The following WARS2 variants were observed in gnomAD, a reference collection of about 807,000 sequenced individuals.
WARS2 encodes tryptophanyl tRNA synthetase 2, mitochondrial.
In WARS2, 28 loss-of-function variants were observed where a neutral mutation model predicts 36.5. That is an observed-to-expected ratio of 0.77 (90% CI 0.57 to 1.05). The LOEUF is 1.05. WARS2 is among the 50% of genes least tolerant of loss of function. The pLI, the probability that WARS2 is intolerant of heterozygous loss-of-function variation, is 0.00. For synonymous variants in WARS2, 174 were observed against 178.4 expected (o/e 0.98, Z 0.20); for missense variants, 435 against 456.8 (o/e 0.95, Z 0.44).
intron 4 of WARS2, among the ~76,000 whole-genome samples, 155 bp from the exon 5 acceptor site, chr1:119,034,368 T>C (rs1338135081): frequency 6.6e-6 from 1 of 152,250 alleles, no homozygotes. Flanking sequence ...TAAGTCTTTA[T>C]CTATGGATCA....
chr1:119,055,394 T>A (rs1486007270), intron 2 of WARS2, among the ~76,000 whole-genome samples: 1 of 152,004 alleles, frequency 6.6e-6, no homozygotes, highest in African/African-American at 2.4e-5. Flanking sequence ...AGGTGGATTA[T>A]CTGAGGTCAG....
At chr1:119,118,761 A>C (rs1399377019) in intron 1 of WARS2, among the ~76,000 whole-genome samples, 3 of 150,596 alleles carry the variant, frequency 2.0e-5, no homozygotes, top group African/African-American at 7.3e-5. Context: ...GCCAGAAGGG[A>C]TTGGGGTCCT....
At chr1:119,097,029 T>C (rs1465041222) in intron 1 of WARS2, among the ~76,000 whole-genome samples, 1 of 152,132 alleles carries the variant, frequency 6.6e-6, no homozygotes, top group East Asian at 1.9e-4. Flanking sequence ...CAAATAATTA[T>C]AAGGTAACTG....
chr1:119,112,504 T>C (rs60424309), intron 1 of WARS2, among the ~76,000 whole-genome samples: 1,962 of 152,232 alleles, frequency 0.013, 49 homozygotes, highest in African/African-American at 0.045. Context: ...AGAGAGTAAA[T>C]GCAGAACACA....
At chr1:119,038,113 T>G (rs987541473) in intron 4 of WARS2, among the ~76,000 whole-genome samples, 3 of 152,240 alleles carry the variant, frequency 2.0e-5, no homozygotes, top group African/African-American at 7.2e-5. Context: ...ATGCTACCTC[T>G]TGATTTTCAG....
intron 2 of WARS2, among the ~76,000 whole-genome samples, chr1:119,075,151 A>C (rs1571321031): frequency 7.1e-6 from 1 of 141,744 alleles, no homozygotes; most frequent in African/African-American, 2.8e-5. Context: ...TTAAAAAATT[A>C]GTGTATATAT....
At chr1:119,081,914 A>G (rs1044850381) in intron 1 of WARS2, among the ~76,000 whole-genome samples, 1 of 152,192 alleles carries the variant, frequency 6.6e-6, no homozygotes, top group South Asian at 2.1e-4. Context: ...TCCGGAAAGC[A>G]CTGGAGAGTC....
chr1:119,088,644 T>C (rs1571341904), intron 1 of WARS2, among the ~76,000 whole-genome samples: 1 of 152,194 alleles, frequency 6.6e-6, no homozygotes, highest in African/African-American at 2.4e-5. Context: ...GACGCTGTGG[T>C]CGTAGCCTCT....
chr1:119,127,123 T>C (rs1414762959), intron 1 of WARS2: 1 of 731,694 alleles, frequency 1.4e-6, no homozygotes, highest in African/African-American at 1.7e-5. Flanking sequence ...TCAGATGCAA[T>C]TTTGATTCCT....
At chr1:119,052,452 T>G (rs1220434517) in intron 2 of WARS2, among the ~76,000 whole-genome samples, 1 of 152,228 alleles carries the variant, frequency 6.6e-6, no homozygotes, top group East Asian at 1.9e-4. Flanking sequence ...TCTGGGGTTC[T>G]GATTTTAATT....
At chr1:119,052,108 T>A (rs1649415935) in intron 2 of WARS2, among the ~76,000 whole-genome samples, 1 of 152,138 alleles carries the variant, frequency 6.6e-6, no homozygotes, top group Admixed American at 6.6e-5. Context: ...TAATATTTTT[T>A]TAATTTCAAA....
At chr1:119,100,245 C>T (rs920571606) in intron 1 of WARS2, among the ~76,000 whole-genome samples, 17 of 151,936 alleles carry the variant, frequency 1.1e-4, no homozygotes, top group Non-Finnish European at 2.1e-4. Context: ...AAATCAAAAC[C>T]GCAATGAGAT....
intron 1 of WARS2, among the ~76,000 whole-genome samples, chr1:119,101,344 AAG>A (rs775912725): frequency 4.6e-5 from 7 of 152,126 alleles, no homozygotes; most frequent in Non-Finnish European, 1.0e-4. Context: ...AAAACAATAT[AAG>A]AGTCATGTTA....
chr1:119,032,924 A>T lies in WARS2; in HGVS notation c.1070T>A (p.Val357Glu). ...YTVCQEVKKL[V>E]GFL ...CGTTGAAACTTCCTATAGAAAACCC[A>T]CCAATTTCTTCACCTCCTGGCACAC... The change falls in exon 6 of 6, where the codon GTG (valine) becomes GAG (glutamate). Residue 357 changes from valine to glutamate, a missense_variant. By Grantham distance (121) the Val-to-Glu change is moderately radical. Transcript: ENST00000235521. The T allele has an allele frequency of 6.2e-7, 1 of 1,611,252 alleles. No homozygotes were observed. Among genetic ancestry groups the T allele is most frequent in the Non-Finnish European group, 8.5e-7 (1 of 1,177,800 alleles).
At chr1:119,046,152 G>A (rs114977207) in intron 2 of WARS2, among the ~76,000 whole-genome samples, 2,016 of 152,108 alleles carry the variant, frequency 0.013, 29 homozygotes, top group African/African-American at 0.043. Flanking sequence ...TAACATTAAA[G>A]ATTGAATTCT....
chr1:119,045,644 A>G lies in WARS2; in HGVS notation c.367T>C (p.Leu123=), dbSNP rs1041767036. The change falls in exon 3 of 6, where the codon TTA becomes CTA. Residue 123 remains leucine, a synonymous_variant. Coordinates refer to ENST00000235521, the MANE Select transcript of WARS2 (RefSeq NM_015836.4). The stretch of plus-strand genomic sequence containing the variant: ...ACCATGCAGGAAAGGATCCAACTTA[A>G]TTGTGTGTGTTCAGACACCTAAAGA... The part of the protein sequence containing the change: ...QQSQVSEHTQ[L]SWILSCMVRL... 1.3e-6 allele frequency: 2 copies of G among 1,591,286 alleles called. No homozygotes were observed. Among genetic ancestry groups the G allele is most frequent in the African/African-American group, 2.7e-5 (2 of 74,776 alleles).
intron 2 of WARS2, chr1:119,064,000 AC>A (rs1367904652): frequency 6.6e-6 from 1 of 152,238 alleles, no homozygotes; most frequent in African/African-American, 2.4e-5. Flanking sequence ...GACAGCTTGC[AC>A]CGTGAGCCTG....
At chr1:119,035,043 G>T (rs2794315) in intron 4 of WARS2, among the ~76,000 whole-genome samples, 70,706 of 152,000 alleles carry the variant, frequency 0.47, 16,725 homozygotes, top group East Asian at 0.58. Flanking sequence ...TTCATATTAT[G>T]AAGAAATGAA....
At chr1:119,083,592 C>G (rs1652377434) in intron 1 of WARS2, among the ~76,000 whole-genome samples, 1 of 152,030 alleles carries the variant, frequency 6.6e-6, no homozygotes, top group African/African-American at 2.4e-5. Flanking sequence ...TTCTTCAGGT[C>G]TTTTTTTCTG....
Sources: gnomAD v4.1 joint callset for allele counts (sites outside exome capture counted in the v4.1 genomes callset) on GRCh38, gnomAD v4.1.1 for gene constraint, MANE v1.5 for transcripts, NCBI Gene and HGNC (gene_info 2026-07-23, HGNC 2026-07-21) for gene names.